The following CSMD1 variants were observed in gnomAD, a reference collection of about 807,000 sequenced individuals.
CSMD1 encodes CUB and Sushi multiple domains 1, also known as CUB and sushi domain-containing protein 1.
A neutral mutation model predicts 417.5 loss-of-function variants in CSMD1; 213 were observed. The ratio of observed to expected loss-of-function variants is 0.51; its 90% CI spans 0.46 to 0.57. The LOEUF (loss-of-function observed/expected upper bound fraction) is 0.57, where lower values mean the gene tolerates loss of function less well. Ranked by LOEUF, CSMD1 falls within the 20% of genes least tolerant of loss-of-function variation. The pLI is 0.00. For missense variants in CSMD1, 6,923 were observed against 4,529.7 expected, an observed-to-expected ratio of 1.53 and a Z score of -15.17; for synonymous variants, 2,862 against 1,736.8, an observed-to-expected ratio of 1.65 and a Z score of -16.11.
intron 3 of CSMD1, among the ~76,000 whole-genome samples, chr8:4,366,245 G>T (rs1003041224): frequency 8.9e-5 from 11 of 123,920 alleles, no homozygotes; most frequent in Non-Finnish European, 1.6e-4. Flanking sequence ...AGCTGCAAAA[G>T]ACGTGATTCT....
chr8:4,796,935 G>A (rs1003270647), intron 1 of CSMD1, among the ~76,000 whole-genome samples: 2 of 152,174 alleles, frequency 1.3e-5, no homozygotes, highest in Non-Finnish European at 2.9e-5. Context: ...CTGCATGGAG[G>A]GGGCAGGACA....
rs1475734860 is a variant in CSMD1, at chr8:4,265,730, A to G, written c.415+154223T>C. On this transcript the variant is annotated intron_variant, in intron 3 of 69. Coordinates refer to ENST00000635120, the MANE Select transcript of CSMD1 (RefSeq NM_033225.6). Reference sequence around the variant, plus strand: ...ACGATTAGGAAACAGTTAATGCAACATAAAATGTTTGAAAACTTTAAATAG... The same window carrying G: ...ACGATTAGGAAACAGTTAATGCAACGTAAAATGTTTGAAAACTTTAAATAG... Among the ~76,000 whole-genome samples the G allele has an allele frequency of 1.9e-5, 2 of 104,958 alleles. 1 individual carries two copies. The highest frequency in any genetic ancestry group is 5.1e-4 in the East Asian group (2 of 3,918). 68.9% of individuals were successfully genotyped at this position (104,958 alleles called of 152,430 possible). A position where few individuals can be genotyped will look rare whatever the true frequency, so the allele number is the denominator to read the frequency against.
chr8:3,230,573 C>G (rs1030950804), intron 26 of CSMD1, among the ~76,000 whole-genome samples: 11 of 151,994 alleles, frequency 7.2e-5, no homozygotes, highest in African/African-American at 2.7e-4. Flanking sequence ...TAATGAAACC[C>G]CATACTGCAA....
chr8:3,451,074 A>T (rs138806929), intron 12 of CSMD1, among the ~76,000 whole-genome samples: 3 of 152,268 alleles, frequency 2.0e-5, no homozygotes, highest in Admixed American at 1.3e-4. Context: ...AGTGATGACG[A>T]GCATTTTTTC....
At chr8:3,731,307 C>G (rs73501494) in intron 6 of CSMD1, among the ~76,000 whole-genome samples, 10,153 of 152,218 alleles carry the variant, frequency 0.067, 1,161 homozygotes, top group African/African-American at 0.23. Context: ...CAAACAGAGT[C>G]TCTCTGAATG....
At chr8:3,941,134 G>C (rs548862721) in intron 5 of CSMD1, among the ~76,000 whole-genome samples, 3 of 152,050 alleles carry the variant, frequency 2.0e-5, no homozygotes, top group South Asian at 2.1e-4. Context: ...TATGTATACA[G>C]TTAAGAAGAA....
chr8:3,310,793 G>A (rs966649291), intron 23 of CSMD1, among the ~76,000 whole-genome samples: 2 of 149,000 alleles, frequency 1.3e-5, no homozygotes, highest in African/African-American at 2.4e-5. Flanking sequence ...GTGGGGTTCT[G>A]CACACAGCAC....
At chr8:4,309,843 A>G (rs2128878127) in intron 3 of CSMD1, among the ~76,000 whole-genome samples, 1 of 152,242 alleles carries the variant, frequency 6.6e-6, no homozygotes, top group South Asian at 2.1e-4. Flanking sequence ...TAGCTGTCTG[A>G]GTATTTTCTC....
At chr8:4,347,120 G>A (rs1430460613) in intron 3 of CSMD1, among the ~76,000 whole-genome samples, 1 of 152,068 alleles carries the variant, frequency 6.6e-6, no homozygotes, top group Non-Finnish European at 1.5e-5. Flanking sequence ...CTCCAAGGCA[G>A]GAAAGATGAA....
At chr8:3,322,593 T>C (rs527403696) in intron 23 of CSMD1, among the ~76,000 whole-genome samples, 59 of 152,252 alleles carry the variant, frequency 3.9e-4, no homozygotes, top group African/African-American at 1.2e-3. Context: ...TTGGCCAGAA[T>C]GTATAATGCA....
chr8:4,008,077 T>A (rs1585122867), intron 4 of CSMD1, among the ~76,000 whole-genome samples: 1 of 152,114 alleles, frequency 6.6e-6, no homozygotes, highest in South Asian at 2.1e-4. Flanking sequence ...TCCAGGAGGT[T>A]TTTTCTTTGT....
intron 3 of CSMD1, among the ~76,000 whole-genome samples, chr8:4,057,882 C>T (rs1484947134): frequency 5.3e-5 from 8 of 152,060 alleles, no homozygotes; most frequent in Non-Finnish European, 8.8e-5. Context: ...TGTTCTGTTC[C>T]ATTGATCTAT....
chr8:3,994,447 G>GGAAA lies in CSMD1; in HGVS notation c.818+3455_818+3456insTTTC, dbSNP rs776782494. ...TAGGCTACACCATCAAATCTCTTCA[G>GGAAA]AAAAAAAAAAAAAAAAAAAGAACAC... On this transcript the variant is annotated intron_variant, in intron 5 of 69. Coordinates refer to ENST00000635120, the MANE Select transcript of CSMD1 (RefSeq NM_033225.6). 3.4e-5 allele frequency among the ~76,000 whole-genome samples: 4 copies of GGAAA among 119,122 alleles called. No individual in the cohort carries two copies. The South Asian group carries it at 8.8e-4, about 26-fold the overall frequency. 78.1% of individuals were successfully genotyped at this position (119,122 alleles called of 152,430 possible). A position where few individuals can be genotyped will look rare whatever the true frequency, so the allele number is the denominator to read the frequency against.
At chr8:3,651,627 AC>A (rs1797862687) in intron 7 of CSMD1, among the ~76,000 whole-genome samples, 1 of 151,550 alleles carries the variant, frequency 6.6e-6, no homozygotes, top group Admixed American at 6.6e-5. Context: ...CTTCTCATCC[AC>A]TCTATTTTAC....
intron 11 of CSMD1, among the ~76,000 whole-genome samples, chr8:3,482,260 C>G (rs1430183713): frequency 6.6e-6 from 1 of 151,756 alleles, no homozygotes; most frequent in Admixed American, 6.6e-5. Context: ...AAAAAATTAC[C>G]CAAATAATGA....
chr8:3,587,731 G>A (rs1800667592), intron 8 of CSMD1, among the ~76,000 whole-genome samples: 1 of 152,052 alleles, frequency 6.6e-6, no homozygotes, highest in Non-Finnish European at 1.5e-5. Context: ...TTCTAAAGGG[G>A]CATCTCATCT....
chr8:4,191,289 G>A (rs979750359), intron 3 of CSMD1, among the ~76,000 whole-genome samples: 122 of 152,098 alleles, frequency 8.0e-4, no homozygotes, highest in African/African-American at 2.3e-3. Context: ...CCAGCTACTC[G>A]GGAGGCTGAG....
In CSMD1 at chr8:3,394,019, T is replaced by TC. The variant is rs1563342280; in HGVS notation, c.2593+2174_2593+2175insG. ...TAATAATAAAAAAATAAATTATATA[T>TC]ATATATATATATATATATATATATA... On this transcript the variant is annotated intron_variant, in intron 17 of 69. Coordinates refer to ENST00000635120, the MANE Select transcript of CSMD1 (RefSeq NM_033225.6). 8.1e-5 allele frequency among the ~76,000 whole-genome samples: 4 copies of TC among 49,348 alleles called. No individual in the cohort carries two copies. In the East Asian group the frequency reaches 3.4e-3, roughly 42 times the overall value. 32.4% of individuals were successfully genotyped at this position (49,348 alleles called of 152,430 possible). A position where few individuals can be genotyped will look rare whatever the true frequency, so the allele number is the denominator to read the frequency against.
At chr8:4,041,196 T>A (rs1004273282) in intron 3 of CSMD1, among the ~76,000 whole-genome samples, 1 of 151,922 alleles carries the variant, frequency 6.6e-6, no homozygotes, top group Non-Finnish European at 1.5e-5. Context: ...TTTTTGTATT[T>A]TTGGTAGAGA....
Sources: gnomAD v4.1 joint callset for allele counts (sites outside exome capture counted in the v4.1 genomes callset) on GRCh38, gnomAD v4.1.1 for gene constraint, MANE v1.5 for transcripts, NCBI Gene and HGNC (gene_info 2026-07-23, HGNC 2026-07-21) for gene names.